The following ADAMTSL1 variants were observed in gnomAD, a reference collection of about 807,000 sequenced individuals.
ADAMTSL1 encodes the protein ADAMTS like 1, also known as ADAMTS-like protein 1.
ADAMTSL1 carries 126 observed loss-of-function variants against 201.8 expected under a neutral mutation model. The ratio of observed to expected loss-of-function variants is 0.62; its 90% CI spans 0.54 to 0.72. The LOEUF is 0.72. ADAMTSL1 is among the 30% of genes least tolerant of loss of function. The pLI is 0.00. For synonymous variants in ADAMTSL1, 1,121 were observed against 903.4 expected (o/e 1.24, Z -4.32); for missense variants, 2,679 against 2,277.8 (o/e 1.18, Z -3.59).
intron 23 of ADAMTSL1, among the ~76,000 whole-genome samples, chr9:18,853,922 C>CGT (rs1563860283): frequency 2.6e-5 from 1 of 37,790 alleles, no homozygotes; most frequent in Non-Finnish European, 5.4e-5. Flanking sequence ...TGTGTGTGCG[C>CGT]GTGCATGCAA....
At chr9:18,803,408 C>T (rs1484071549) in intron 20 of ADAMTSL1, among the ~76,000 whole-genome samples, 1 of 152,176 alleles carries the variant, frequency 6.6e-6, no homozygotes. Flanking sequence ...ATATTAAGAG[C>T]TCACATGATT....
intron 1 of ADAMTSL1, among the ~76,000 whole-genome samples, chr9:18,150,904 A>AT (rs892750170): frequency 1.7e-4 from 26 of 149,604 alleles, no homozygotes; most frequent in Middle Eastern, 3.4e-3. Flanking sequence ...TAAAGGACTT[A>AT]TTTTTTTTTT....
chr9:18,531,011 T>C (rs1431376034), intron 2 of ADAMTSL1, among the ~76,000 whole-genome samples: 1 of 152,192 alleles, frequency 6.6e-6, no homozygotes, highest in Admixed American at 6.5e-5. Context: ...AAATTTACCA[T>C]CAGCTGGAAC....
At chr9:18,435,580 G>A (rs975754869) in intron 2 of ADAMTSL1, among the ~76,000 whole-genome samples, 1 of 152,208 alleles carries the variant, frequency 6.6e-6, no homozygotes, top group African/African-American at 2.4e-5. Flanking sequence ...GGTTCTGACA[G>A]AGAGTATTCT....
rs185969761 is a variant in ADAMTSL1 at position 18,848,329 on chromosome 9, G to A, written c.4249+18352G>A. Among the ~76,000 whole-genome samples the A allele has an allele frequency of 8.5e-5, 13 of 152,296 alleles. No homozygotes were observed. The East Asian group carries it at 9.6e-4, about 11-fold the overall frequency. Reference sequence around the variant, plus strand: ...AGGAGATTTTACAAGTTACTTCTCCGTCTTCTACAACCCATGTATAATAGA... The same window carrying A: ...AGGAGATTTTACAAGTTACTTCTCCATCTTCTACAACCCATGTATAATAGA... On this transcript the variant is annotated intron_variant, in intron 23 of 28. Coordinates refer to ENST00000380548, the MANE Select transcript of ADAMTSL1 (RefSeq NM_001040272.6).
chr9:17,936,201 T>A (rs1383686866), intron 1 of ADAMTSL1, among the ~76,000 whole-genome samples: 1 of 152,240 alleles, frequency 6.6e-6, no homozygotes, highest in East Asian at 1.9e-4. Context: ...TATTTACTGG[T>A]GCCTTATGTC....
At chr9:18,049,578 A>G (rs561851462) in intron 1 of ADAMTSL1, among the ~76,000 whole-genome samples, 2 of 150,986 alleles carry the variant, frequency 1.3e-5, no homozygotes, top group South Asian at 2.1e-4. Context: ...TAGAGTCCTG[A>G]TGGAACTAAC....
At chr9:18,645,456 C>T (rs1827745647) in intron 7 of ADAMTSL1, among the ~76,000 whole-genome samples, 1 of 151,326 alleles carries the variant, frequency 6.6e-6, no homozygotes, top group African/African-American at 2.4e-5. Context: ...GACATGAAGT[C>T]CTTGCCCATG....
chr9:18,156,017 G>A (rs1827136275), intron 1 of ADAMTSL1, among the ~76,000 whole-genome samples: 1 of 152,022 alleles, frequency 6.6e-6, no homozygotes, highest in African/African-American at 2.4e-5. Context: ...CAGAGGGTTG[G>A]AGAGGAAGAG....
intron 1 of ADAMTSL1, among the ~76,000 whole-genome samples, chr9:17,984,310 C>T (rs1160381008): frequency 1.3e-5 from 2 of 151,930 alleles, no homozygotes; most frequent in African/African-American, 2.4e-5. Flanking sequence ...TTTTGTGTAT[C>T]CTTCCCAATG....
intron 2 of ADAMTSL1, among the ~76,000 whole-genome samples, chr9:18,166,575 G>C (rs1319649902): frequency 6.6e-6 from 1 of 151,902 alleles, no homozygotes; most frequent in Admixed American, 6.6e-5. Context: ...ACTCAGGGAT[G>C]TTTGCCAACT....
intron 15 of ADAMTSL1, among the ~76,000 whole-genome samples, chr9:18,738,182 T>C (rs1461407729): frequency 6.6e-6 from 1 of 152,210 alleles, no homozygotes; most frequent in Non-Finnish European, 1.5e-5. Flanking sequence ...AGACATCATA[T>C]ATTTTTCACT....
At chr9:18,729,650 G>A (rs1370386644) in intron 15 of ADAMTSL1, among the ~76,000 whole-genome samples, 3 of 152,126 alleles carry the variant, frequency 2.0e-5, no homozygotes, top group Admixed American at 2.0e-4. Context: ...AATGTCTATT[G>A]AATGCCTGCA....
intron 2 of ADAMTSL1, among the ~76,000 whole-genome samples, chr9:18,178,126 CACTA>C (rs1828262062): frequency 6.6e-6 from 1 of 152,186 alleles, no homozygotes; most frequent in Admixed American, 6.5e-5. Context: ...GGGTTCATCT[CACTA>C]AGGAGTGCCA....
At chr9:18,596,060 A>C (rs1332140474) in intron 4 of ADAMTSL1, among the ~76,000 whole-genome samples, 1 of 152,184 alleles carries the variant, frequency 6.6e-6, no homozygotes, top group African/African-American at 2.4e-5. Flanking sequence ...TGGTGACATC[A>C]TCCCCACAGA....
intron 1 of ADAMTSL1, among the ~76,000 whole-genome samples, chr9:18,041,922 G>T (rs1030370391): frequency 6.6e-6 from 1 of 151,928 alleles, no homozygotes; most frequent in African/African-American, 2.4e-5. Context: ...GCATCTCTTT[G>T]CATATCAACC....
intron 2 of ADAMTSL1, among the ~76,000 whole-genome samples, chr9:18,265,817 G>A (rs1268794525): frequency 1.3e-5 from 2 of 152,108 alleles, no homozygotes; most frequent in African/African-American, 4.8e-5. Flanking sequence ...TATGGAAAAG[G>A]GAGGTTAAAC....
At chr9:18,117,834 C>G (rs1253595758) in intron 1 of ADAMTSL1, among the ~76,000 whole-genome samples, 1 of 152,080 alleles carries the variant, frequency 6.6e-6, no homozygotes, top group Non-Finnish European at 1.5e-5. Context: ...TTACATTGGA[C>G]CTTTCTAATA....
At chr9:18,489,210 A>T (rs1342963652) in intron 1 of ADAMTSL1, among the ~76,000 whole-genome samples, 2 of 152,208 alleles carry the variant, frequency 1.3e-5, no homozygotes, top group African/African-American at 4.8e-5. Context: ...CTTAACTGTT[A>T]GTGGATATAT....
Sources: gnomAD v4.1 joint callset for allele counts (sites outside exome capture counted in the v4.1 genomes callset) on GRCh38, gnomAD v4.1.1 for gene constraint, MANE v1.5 for transcripts, NCBI Gene and HGNC (gene_info 2026-07-23, HGNC 2026-07-21) for gene names.